EXOSC1: variants seen among roughly 807,000 people sequenced by gnomAD.
EXOSC1 encodes the protein exosome complex component CSL4.
In EXOSC1, 27 loss-of-function variants were observed where a neutral mutation model predicts 31.4. That is an observed-to-expected ratio of 0.86 (90% CI 0.63 to 1.18). The LOEUF (loss-of-function observed/expected upper bound fraction) is 1.18, where lower values mean the gene tolerates loss of function less well. Ranked by LOEUF, EXOSC1 falls within the 50% of genes most tolerant of loss-of-function variation. The probability of loss-of-function intolerance (pLI) is 0.00; values close to 1 mark genes in which losing one functional copy is unlikely to be tolerated. For missense variants in EXOSC1, 228 were observed against 250.3 expected (o/e 0.91, Z 0.60); for synonymous variants, 84 against 89.5 (o/e 0.94, Z 0.35).
intron 5 of EXOSC1, among the ~76,000 whole-genome samples, chr10:97,437,972 T>C (rs1271923547): frequency 6.6e-6 from 1 of 151,974 alleles, no homozygotes; most frequent in East Asian, 1.9e-4. Flanking sequence ...CACACTGGAG[T>C]GCAGTGGTGC....
intron 4 of EXOSC1, 91 bp downstream of exon 4, chr10:97,441,080 G>C: frequency 9.7e-7 from 1 of 1,027,734 alleles, no homozygotes; most frequent in Non-Finnish European, 1.5e-6. Context: ...AGAAAAATAG[G>C]AATTGTAACT....
chr10:97,440,837 A>C (rs889565899), intron 4 of EXOSC1: 1 of 180,006 alleles, frequency 5.6e-6, no homozygotes, highest in African/African-American at 2.4e-5. Flanking sequence ...TTTTTTACAG[A>C]GATGGGGTTT....
chr10:97,440,860 T>A (rs1007937889), intron 4 of EXOSC1: 3 of 208,566 alleles, frequency 1.4e-5, no homozygotes, highest in Admixed American at 5.7e-5. Flanking sequence ...CCATGTTGGC[T>A]AGGCTGGTCT....
intron 3 of EXOSC1, among the ~76,000 whole-genome samples, chr10:97,441,535 G>A (rs1325583007): frequency 1.4e-5 from 2 of 145,092 alleles, no homozygotes; most frequent in African/African-American, 5.1e-5. Context: ...TTGTTGCCCA[G>A]GCTGGAGTGC....
chr10:97,437,822 G>T (rs1845591996), intron 5 of EXOSC1, 72 bp from the exon 6 acceptor site: 1 of 1,269,172 alleles, frequency 7.9e-7, no homozygotes, highest in Non-Finnish European at 1.1e-6. Context: ...AACGCTTCTG[G>T]TAAAGCCAAT....
chr10:97,438,807 C>T lies in EXOSC1; in HGVS notation c.312-104G>A, dbSNP rs925708167. ...TCCCTCTGTCACCCAGGCTGGAGTA[C>T]AGTGGCGCAATTTTGCTCACTGCAA... On this transcript the variant is annotated intron_variant, in intron 4 of 7. Coordinates refer to ENST00000370902, the MANE Select transcript of EXOSC1 (RefSeq NM_016046.5). 3.0e-5 allele frequency: 27 copies of T among 903,814 alleles called. 1 individual carries two copies. In the South Asian group the frequency reaches 4.0e-4, roughly 13 times the overall value. 56.0% of individuals were successfully genotyped at this position (903,814 alleles called of 1,614,324 possible).
intron 4 of EXOSC1, among the ~76,000 whole-genome samples, chr10:97,439,667 C>T (rs774417583): frequency 2.0e-5 from 3 of 152,074 alleles, no homozygotes; most frequent in Non-Finnish European, 2.9e-5. Context: ...TAAAGTGCAC[C>T]ATAAATGTAA....
chr10:97,443,665 G>A (rs1439408722), intron 2 of EXOSC1: 4 of 176,372 alleles, frequency 2.3e-5, no homozygotes, highest in Admixed American at 1.8e-4. Flanking sequence ...TGGGACTACA[G>A]GCACCCGCCA....
chr10:97,441,080 G>T, intron 4 of EXOSC1, 91 bp downstream of exon 4: 1 of 1,027,732 alleles, frequency 9.7e-7, no homozygotes, highest in Non-Finnish European at 1.5e-6. Flanking sequence ...AGAAAAATAG[G>T]AATTGTAACT....
intron 7 of EXOSC1, 89 bp from the exon 8 acceptor site, chr10:97,436,640 C>A (rs1564786157): frequency 4.9e-6 from 6 of 1,234,732 alleles, no homozygotes; most frequent in Admixed American, 2.6e-5. Context: ...TGAAGTGCCA[C>A]CAAGCTTCCT....
intron 4 of EXOSC1, among the ~76,000 whole-genome samples, chr10:97,440,413 A>G (rs1410047197): frequency 1.3e-5 from 2 of 152,066 alleles, no homozygotes; most frequent in Non-Finnish European, 2.9e-5. Context: ...CAGTGGTGCA[A>G]TCTCAGCTCA....
chr10:97,443,193 G>T, intron 3 of EXOSC1, 44 bp downstream of exon 3: 1 of 1,509,958 alleles, frequency 6.6e-7, no homozygotes, highest in South Asian at 1.1e-5. Flanking sequence ...CATGATTTCA[G>T]TATTGAATGG....
intron 5 of EXOSC1, 72 bp downstream of exon 5, chr10:97,438,598 C>T (rs974812056): frequency 7.0e-7 from 1 of 1,421,252 alleles, no homozygotes; most frequent in Non-Finnish European, 9.8e-7. Context: ...TGTGACCATG[C>T]CTGGCCTGAG....
chr10:97,437,295 G>A lies in EXOSC1; in HGVS notation c.397-20C>T, dbSNP rs746131503. 2 of 1,594,394 alleles carry A rather than the reference G, an allele frequency of 1.3e-6. No homozygotes were observed. The highest frequency in any genetic ancestry group is 1.7e-6 in the Non-Finnish European group (2 of 1,163,724). ...GGAGATCTAGTCACATAACACCGGT[G>A]AAGGAAAATGAGGAGTTAGAAGTCT... On this transcript the variant is annotated intron_variant, in intron 6 of 7. Transcript: ENST00000370902.
At chr10:97,445,247 C>T (rs1478363044) in intron 2 of EXOSC1, 1 of 158,268 alleles carries the variant, frequency 6.3e-6, no homozygotes, top group Non-Finnish European at 1.4e-5. Context: ...GTTACAAAGG[C>T]TCTGTAGCAG....
chr10:97,443,107 G>T, intron 3 of EXOSC1, 130 bp downstream of exon 3: 2 of 762,506 alleles, frequency 2.6e-6, no homozygotes, highest in Non-Finnish European at 4.3e-6. Flanking sequence ...TTACCAGTGT[G>T]AGCCACTGTG....
intron 7 of EXOSC1, 115 bp from the exon 8 acceptor site, chr10:97,436,666 A>G (rs1408738410): frequency 1.1e-6 from 1 of 901,376 alleles, no homozygotes; most frequent in Non-Finnish European, 1.6e-6. Context: ...ACCTCAACTC[A>G]TAAAGAAAAA....
intron 3 of EXOSC1, 121 bp from the exon 4 acceptor site, chr10:97,441,380 G>C: frequency 6.1e-6 from 4 of 657,154 alleles, no homozygotes; most frequent in Non-Finnish European, 5.1e-6. Context: ...GAGAATTTAA[G>C]ACAAATTAAC....
intron 3 of EXOSC1, among the ~76,000 whole-genome samples, chr10:97,441,900 G>C (rs1377591938): frequency 6.7e-6 from 1 of 148,276 alleles, no homozygotes; most frequent in Non-Finnish European, 1.5e-5. Flanking sequence ...AAAGAGGCTG[G>C]ACACAGTGGC....
Sources: gnomAD v4.1 joint callset for allele counts (sites outside exome capture counted in the v4.1 genomes callset) on GRCh38, gnomAD v4.1.1 for gene constraint, MANE v1.5 for transcripts, NCBI Gene and HGNC (gene_info 2026-07-23, HGNC 2026-07-21) for gene names.